LTBP1: variants seen among roughly 807,000 people sequenced by gnomAD.
The protein encoded by LTBP1 is latent transforming growth factor beta binding protein 1, also known as latent-transforming growth factor beta-binding protein 1.
Under a neutral mutation model 207.6 loss-of-function variants are expected in LTBP1, and 129 were observed. The ratio of observed to expected loss-of-function variants is 0.62; its 90% CI spans 0.54 to 0.72. LTBP1 has a LOEUF of 0.72. LTBP1 is among the 30% of genes least tolerant of loss of function. The pLI, the probability that LTBP1 is intolerant of heterozygous loss-of-function variation, is 0.00. For synonymous variants in LTBP1, 963 were observed against 833.7 expected, an observed-to-expected ratio of 1.16 and a Z score of -2.67; for missense variants, 2,281 against 2,217.2, an observed-to-expected ratio of 1.03 and a Z score of -0.58.
intron 4 of LTBP1, among the ~76,000 whole-genome samples, chr2:33,119,949 G>T (rs569430457): frequency 2.6e-4 from 40 of 152,168 alleles, no homozygotes; most frequent in African/African-American, 9.4e-4. Context: ...GTTTGTTTTT[G>T]AATATCTCCT....
intron 3 of LTBP1, among the ~76,000 whole-genome samples, chr2:33,104,884 C>T (rs1386342754): frequency 1.3e-5 from 2 of 152,138 alleles, no homozygotes; most frequent in African/African-American, 4.8e-5. Flanking sequence ...CTCAGCACGC[C>T]TCATTGCACT....
At chr2:32,953,181 A>G (rs576922783) in intron 2 of LTBP1, among the ~76,000 whole-genome samples, 55 of 152,346 alleles carry the variant, frequency 3.6e-4, no homozygotes, top group African/African-American at 1.3e-3. Flanking sequence ...CAAAGGAGAC[A>G]GAGTCACATG....
intron 3 of LTBP1, among the ~76,000 whole-genome samples, chr2:33,070,677 AT>A (rs2077744296): frequency 1.3e-5 from 2 of 152,212 alleles, no homozygotes; most frequent in Admixed American, 6.5e-5. Flanking sequence ...TGGGAGAGGC[AT>A]GTTCTAACGG....
At chr2:33,302,431 G>T (rs1328372006) in intron 22 of LTBP1, among the ~76,000 whole-genome samples, 1 of 152,200 alleles carries the variant, frequency 6.6e-6, no homozygotes, top group Non-Finnish European at 1.5e-5. Flanking sequence ...AGAAGTGGAT[G>T]AGCCTTTTGG....
chr2:33,341,975 T>G (rs2094631921), intron 24 of LTBP1, among the ~76,000 whole-genome samples: 1 of 152,068 alleles, frequency 6.6e-6, no homozygotes. Context: ...GCATGACTGT[T>G]AAATCCAGGG....
rs141827134 is a variant in LTBP1 at position 33,364,232 on chromosome 2, A to G, written c.4416A>G (p.Gln1472=). Residue 1472 remains glutamine (Q), a synonymous_variant, in exon 30 of 34, where the codon CAA becomes CAG. Coordinates refer to ENST00000404816, the MANE Select transcript of LTBP1 (RefSeq NM_206943.4). ...KLQCFDMDEC[Q]DPSSCIDGQC... is the part of the protein sequence containing the mutation. ...GCTCTTAAGATATGGATGAATGTCA[A>G]GACCCCAGTAGTTGTATTGATGGCC... 35 of 1,612,746 alleles carry G rather than the reference A, an allele frequency of 2.2e-5. No individual in the cohort carries two copies. Among genetic ancestry groups the G allele is most frequent in the African/African-American group, 1.3e-4 (10 of 74,850 alleles).
intron 29 of LTBP1, among the ~76,000 whole-genome samples, chr2:33,363,932 T>G (rs1179556048): frequency 6.6e-6 from 1 of 152,226 alleles, no homozygotes; most frequent in Non-Finnish European, 1.5e-5. Context: ...TTAAAAGTTA[T>G]CATAAAGAGC....
At chr2:33,230,313 A>G (rs2091711065) in intron 9 of LTBP1, among the ~76,000 whole-genome samples, 2 of 152,212 alleles carry the variant, frequency 1.3e-5, no homozygotes, top group Admixed American at 1.3e-4. Context: ...ACAAAGAACC[A>G]ACTGTATACA....
At chr2:33,349,219 G>C (rs775807946) in intron 26 of LTBP1, among the ~76,000 whole-genome samples, 1 of 152,216 alleles carries the variant, frequency 6.6e-6, no homozygotes, top group East Asian at 1.9e-4. Context: ...GGGAGGCCGA[G>C]GCAGGCAGAT....
At chr2:33,266,441 C>A (rs921600924) in intron 15 of LTBP1, among the ~76,000 whole-genome samples, 5 of 152,170 alleles carry the variant, frequency 3.3e-5, no homozygotes, top group African/African-American at 9.7e-5. Context: ...TGAAACCCCA[C>A]CTTCAAGCCA....
At chr2:33,142,306 C>A (rs1181012839) in intron 5 of LTBP1, among the ~76,000 whole-genome samples, 2 of 152,154 alleles carry the variant, frequency 1.3e-5, no homozygotes, top group Non-Finnish European at 2.9e-5. Flanking sequence ...CCGCCCGCCT[C>A]GGCCTCCCAA....
Position 33,389,320 on chromosome 2 carries a change from C to A in LTBP1, c.4834+14C>A, listed in dbSNP as rs368364110. 4.3e-6 allele frequency: 7 copies of A among 1,613,762 alleles called. No individual in the cohort carries two copies. Among genetic ancestry groups the A allele is most frequent in the Non-Finnish European group, 5.9e-6 (7 of 1,179,884 alleles). ...TCATCCAAGACCGTAAGCAAAATAA[C>A]CTTGTTCCTTTGATACTAAGTTGTG... On this transcript the variant is annotated intron_variant, in intron 32 of 33. Coordinates refer to ENST00000404816, the MANE Select transcript of LTBP1 (RefSeq NM_206943.4).
At chr2:32,972,887 A>C (rs185774163) in intron 2 of LTBP1, among the ~76,000 whole-genome samples, 18 of 152,310 alleles carry the variant, frequency 1.2e-4, no homozygotes, top group Admixed American at 1.0e-3. Context: ...CTTTGTTTAT[A>C]CGTTACCCAG....
chr2:33,350,993 T>C (rs1321242995), intron 26 of LTBP1, among the ~76,000 whole-genome samples: 1 of 152,120 alleles, frequency 6.6e-6, no homozygotes, highest in African/African-American at 2.4e-5. Context: ...AATATATATA[T>C]ATTATAATCC....
intron 31 of LTBP1, among the ~76,000 whole-genome samples, chr2:33,386,186 A>G (rs754874683): frequency 4.6e-5 from 7 of 152,244 alleles, no homozygotes; most frequent in Admixed American, 1.3e-4. Context: ...AAAATTCTGC[A>G]ACATAATTCC....
At chr2:32,984,869 C>T (rs1202996373) in intron 2 of LTBP1, among the ~76,000 whole-genome samples, 2 of 151,994 alleles carry the variant, frequency 1.3e-5, no homozygotes, top group South Asian at 2.1e-4. Context: ...AGGCGGAGGT[C>T]GCAGTGAGCT....
At position 33,233,628 on chromosome 2, in the gene LTBP1, T is replaced by G. The variant is rs369027564; in HGVS notation, c.1877-10034T>G. ...TCCCCACCCTTTTCCTTTTTCTGTCTAGCAATTTTATGGAAATTTCCACTT... is the reference window on the plus strand; with the variant it reads ...TCCCCACCCTTTTCCTTTTTCTGTCGAGCAATTTTATGGAAATTTCCACTT... On this transcript the variant is annotated intron_variant, in intron 9 of 33. Transcript: ENST00000404816. Among the ~76,000 whole-genome samples, 6 of 152,122 alleles carry G rather than the reference T, an allele frequency of 3.9e-5. No homozygotes were observed. In the East Asian group the frequency reaches 9.6e-4, roughly 24 times the overall value.
At chr2:33,317,711 A>T (rs1322978539) in intron 24 of LTBP1, 1 of 152,236 alleles carries the variant, frequency 6.6e-6, no homozygotes, top group Admixed American at 6.5e-5. Context: ...CTGTTTGAGG[A>T]GCTGAAGCCT....
chr2:33,259,260 A>G (rs564071334), intron 12 of LTBP1, among the ~76,000 whole-genome samples: 73 of 152,358 alleles, frequency 4.8e-4, no homozygotes, highest in Non-Finnish European at 7.2e-4. Flanking sequence ...ACATATGGAA[A>G]GTTCCACATA....
Sources: gnomAD v4.1 joint callset for allele counts (sites outside exome capture counted in the v4.1 genomes callset) on GRCh38, gnomAD v4.1.1 for gene constraint, MANE v1.5 for transcripts, NCBI Gene and HGNC (gene_info 2026-07-23, HGNC 2026-07-21) for gene names.